The following AGMAT variants were observed in gnomAD, a reference collection of about 807,000 sequenced individuals.
The protein encoded by AGMAT is agmatinase (putative).
AGMAT carries 37 observed loss-of-function variants against 29.3 expected under a neutral mutation model. The ratio of observed to expected loss-of-function variants is 1.26; its 90% confidence interval spans 0.97 to 1.66. AGMAT has a LOEUF of 1.66. Ranked by LOEUF, AGMAT falls within the 40% of genes most tolerant of loss-of-function variation. The pLI is 0.00. For synonymous variants in AGMAT, 199 were observed against 200.8 expected (o/e 0.99, Z 0.08); for missense variants, 498 against 497.8 (o/e 1.00, Z 0.00).
At chr1:15,574,009 A>G (rs1363483059) in intron 6 of AGMAT, among the ~76,000 whole-genome samples, 2 of 152,202 alleles carry the variant, frequency 1.3e-5, no homozygotes, top group Non-Finnish European at 2.9e-5. Context: ...TGTATTATCT[A>G]TCCTCTGAGG....
In AGMAT at chr1:15,571,759, G is replaced by T. The variant is rs1638952715; in HGVS notation, c.*1892C>A. The T allele has an allele frequency of 6.6e-6, 1 of 152,226 alleles. No homozygotes were observed. The highest frequency in any genetic ancestry group is 1.5e-5 in the Non-Finnish European group (1 of 68,030). 9.4% of individuals were successfully genotyped at this position (152,226 alleles called of 1,614,324 possible). ...TTATGGGGTAGCCCTTGCATTGCAAGATGATGATTTGATTATGGACACATT... is the reference window on the plus strand; with the variant it reads ...TTATGGGGTAGCCCTTGCATTGCAATATGATGATTTGATTATGGACACATT... On this transcript the variant is annotated 3_prime_UTR_variant, in exon 7 of 7. Coordinates refer to ENST00000375826, the MANE Select transcript of AGMAT (RefSeq NM_024758.5).
chr1:15,580,444 A>C (rs1413656348), intron 2 of AGMAT, among the ~76,000 whole-genome samples: 1 of 151,630 alleles, frequency 6.6e-6, no homozygotes, highest in East Asian at 2.0e-4. Flanking sequence ...ACCTCAAGTG[A>C]TCCACTCGCC....
intron 2 of AGMAT, among the ~76,000 whole-genome samples, chr1:15,581,552 CT>C (rs34098917): frequency 0.65 from 98,488 of 151,672 alleles, 33,505 homozygotes; most frequent in African/African-American, 0.86. Context: ...GCTAATATGA[CT>C]TAAGAAACTG....
At chr1:15,581,853 T>C (rs1215591775) in intron 2 of AGMAT, among the ~76,000 whole-genome samples, 1 of 148,772 alleles carries the variant, frequency 6.7e-6, no homozygotes, top group East Asian at 2.0e-4. Context: ...AAACTCTGTC[T>C]CAAAAAAAAA....
In AGMAT at chr1:15,583,187, C is replaced by A; in HGVS notation, c.475+6G>T. ...AACTACTCTGGCTCTTGCAGACTGA[C>A]ATTACCCAAGGTCAGAGGAATACAG... On this transcript the variant is annotated splice_donor_region_variant and intron_variant, in intron 2 of 6. Transcript: ENST00000375826. 1 of 1,613,834 alleles carries A rather than the reference C, an allele frequency of 6.2e-7. No individual in the cohort carries two copies.
At chr1:15,576,158 A>G (rs894959273) in intron 5 of AGMAT, 2 of 152,302 alleles carry the variant, frequency 1.3e-5, no homozygotes, top group Non-Finnish European at 2.9e-5. Context: ...ACTGGAGTGC[A>G]ATATCATGAT....
intron 4 of AGMAT, 69 bp from the exon 5 acceptor site, chr1:15,577,933 T>G: frequency 6.8e-7 from 1 of 1,473,158 alleles, no homozygotes; most frequent in Non-Finnish European, 9.3e-7. Flanking sequence ...GCCAGCCCCA[T>G]GCTCAGCTCT....
In AGMAT at chr1:15,578,985, C is replaced by T. The variant is rs1639077317; in HGVS notation, c.594G>A (p.Lys198=). 6.2e-7 allele frequency: 1 copy of T among 1,614,174 alleles called. No individual in the cohort carries two copies. Among genetic ancestry groups the T allele is most frequent in the Non-Finnish European group, 8.5e-7 (1 of 1,180,024 alleles). ...TDTTDKALGE[K]LYHGAPFRRC... ...GGCGGAAGGGCGCCCCGTGGTAGAGCTTCTCTCCTAGGGCCTTGTCGGTCG... is the reference window on the plus strand; with the variant it reads ...GGCGGAAGGGCGCCCCGTGGTAGAGTTTCTCTCCTAGGGCCTTGTCGGTCG... Residue 198 remains lysine, a synonymous_variant, in exon 4 of 7, where the codon AAG becomes AAA. Transcript: ENST00000375826.
chr1:15,578,804 C>A, intron 4 of AGMAT, 55 bp downstream of exon 4: 1 of 1,582,112 alleles, frequency 6.3e-7, no homozygotes, highest in Non-Finnish European at 8.6e-7. Flanking sequence ...ACTGGTGAGG[C>A]AACGGAGAGG....
At position 15,573,511 on chromosome 1, in the gene AGMAT, C is replaced by CTA; in HGVS notation, c.*139_*140insTA. On this transcript the variant is annotated 3_prime_UTR_variant, in exon 7 of 7. Coordinates refer to ENST00000375826, the MANE Select transcript of AGMAT (RefSeq NM_024758.5). The stretch of plus-strand genomic sequence containing the variant: ...TTGGGTGAGAATTCTACTGATTATC[C>CTA]CGACTTCACAGCCAGCAATGACACT... The CTA allele has an allele frequency of 2.9e-6, 2 of 694,450 alleles. No individual in the cohort carries two copies. The highest frequency in any genetic ancestry group is 3.8e-5 in the South Asian group (2 of 52,612). The allele number at this position is 694,450 out of a possible 1,614,324, so 43.0% of individuals were successfully genotyped here.
chr1:15,575,268 G>A (rs1639022291), intron 5 of AGMAT: 1 of 161,444 alleles, frequency 6.2e-6, no homozygotes, highest in Admixed American at 6.0e-5. Context: ...GTGGCCAGAA[G>A]ACAGAGTAAG....
chr1:15,578,191 T>C (rs977109491), intron 4 of AGMAT, among the ~76,000 whole-genome samples: 7 of 152,182 alleles, frequency 4.6e-5, no homozygotes, highest in Admixed American at 3.9e-4. Context: ...GTCTGTTCCA[T>C]TGGGGTCTTG....
intron 2 of AGMAT, 57 bp from the exon 3 acceptor site, chr1:15,580,199 ATC>A (rs1458360368): frequency 5.3e-5 from 55 of 1,035,976 alleles, no homozygotes; most frequent in Non-Finnish European, 6.5e-5. Context: ...ACATAGAATA[ATC>A]TTTTTTTTTT....
chr1:15,574,122 ATATAT>A (rs936710845), intron 6 of AGMAT, among the ~76,000 whole-genome samples: 6 of 152,194 alleles, frequency 3.9e-5, no homozygotes, highest in African/African-American at 9.7e-5. Flanking sequence ...AAATATTAAC[ATATAT>A]TATTTATGCT....
intron 1 of AGMAT, 142 bp downstream of exon 1, chr1:15,584,554 C>T (rs1356328496): frequency 1.1e-6 from 1 of 925,116 alleles, no homozygotes; most frequent in Non-Finnish European, 1.4e-6. Flanking sequence ...CCATCTCAAA[C>T]CATAAGGGGC....
At chr1:15,582,961 G>A (rs902811594) in intron 2 of AGMAT, among the ~76,000 whole-genome samples, 15 of 152,214 alleles carry the variant, frequency 9.9e-5, no homozygotes, top group Non-Finnish European at 2.2e-4. Flanking sequence ...TTGCACCACT[G>A]CACTCCAGTC....
intron 2 of AGMAT, among the ~76,000 whole-genome samples, chr1:15,581,600 C>T (rs1435247298): frequency 1.3e-5 from 2 of 148,908 alleles, no homozygotes; most frequent in East Asian, 2.0e-4. Context: ...TTAGGCCGGG[C>T]GTGGTGGCTC....
chr1:15,580,394 G>A (rs529241236), intron 2 of AGMAT, among the ~76,000 whole-genome samples: 16 of 151,530 alleles, frequency 1.1e-4, no homozygotes, highest in African/African-American at 2.7e-4. Flanking sequence ...TAGTAGAGAC[G>A]GAGTTTCACC....
intron 4 of AGMAT, 132 bp from the exon 5 acceptor site, chr1:15,577,996 T>C (rs1436587960): frequency 1.1e-6 from 1 of 878,794 alleles, no homozygotes; most frequent in African/African-American, 1.7e-5. Context: ...ACTATCCTAT[T>C]TTACAGGTGA....
Sources: gnomAD v4.1 joint callset for allele counts (sites outside exome capture counted in the v4.1 genomes callset) on GRCh38, gnomAD v4.1.1 for gene constraint, MANE v1.5 for transcripts, NCBI Gene and HGNC (gene_info 2026-07-23, HGNC 2026-07-21) for gene names.